SMIM14: variants seen among roughly 807,000 people sequenced by gnomAD.
SMIM14 encodes the protein small integral membrane protein 14.
SMIM14 carries 5 observed loss-of-function variants against 12.6 expected under a neutral mutation model. That is an observed-to-expected ratio of 0.40 (90% CI 0.21 to 0.83). The LOEUF is 0.83. Ranked by LOEUF, SMIM14 falls within the 40% of genes least tolerant of loss-of-function variation. The pLI is 0.37. For synonymous variants in SMIM14, 30 were observed against 40.1 expected, an observed-to-expected ratio of 0.75 and a Z score of 0.95; for missense variants, 86 against 119.1, an observed-to-expected ratio of 0.72 and a Z score of 1.29.
chr4:39,552,071 T>A lies in SMIM14; in HGVS notation c.*55A>T. 6.8e-7 allele frequency: 1 copy of A among 1,469,480 alleles called. No individual in the cohort carries two copies. The highest frequency in any genetic ancestry group is 9.3e-7 in the Non-Finnish European group (1 of 1,076,882). The allele number at this position is 1,469,480 out of a possible 1,614,324, so 91.0% of individuals were successfully genotyped here. On this transcript the variant is annotated 3_prime_UTR_variant, in exon 5 of 5. Coordinates refer to ENST00000295958, the MANE Select transcript of SMIM14 (RefSeq NM_174921.3). ...TGGGGTTAAGAGTACTCTGGTCATC[T>A]TCGTTCGTTTGGTCGTGCAAGGTGT...
At chr4:39,578,897 G>A (rs1242162438) in intron 2 of SMIM14, among the ~76,000 whole-genome samples, 5 of 151,436 alleles carry the variant, frequency 3.3e-5, no homozygotes, top group Non-Finnish European at 7.4e-5. Context: ...TCGGGAGGCT[G>A]AGGCAGCAGA....
intron 1 of SMIM14, chr4:39,638,357 A>T: frequency 1.7e-6 from 1 of 581,690 alleles, no homozygotes; most frequent in Non-Finnish European, 2.2e-6. Context: ...TAAACAAGAT[A>T]GTGTGGATTT....
At chr4:39,586,301 C>A (rs1451938576) in intron 2 of SMIM14, among the ~76,000 whole-genome samples, 1 of 151,970 alleles carries the variant, frequency 6.6e-6, no homozygotes, top group African/African-American at 2.4e-5. Context: ...AGGAACCAAG[C>A]CATTCCTTCA....
chr4:39,637,912 T>G (rs1224193215), intron 1 of SMIM14, among the ~76,000 whole-genome samples: 5 of 152,222 alleles, frequency 3.3e-5, no homozygotes, highest in Non-Finnish European at 7.3e-5. Flanking sequence ...ATTACGTGTG[T>G]GAAGCTCATC....
chr4:39,618,649 C>CA (rs34837742), intron 1 of SMIM14, among the ~76,000 whole-genome samples: 58,341 of 91,898 alleles, frequency 0.63, 16,754 homozygotes, highest in Admixed American at 0.7. Flanking sequence ...GACTCCATCT[C>CA]AAAAAAAAAA....
intron 3 of SMIM14, among the ~76,000 whole-genome samples, chr4:39,556,827 A>G (rs1712040740): frequency 6.6e-6 from 1 of 152,164 alleles, no homozygotes; most frequent in African/African-American, 2.4e-5. Flanking sequence ...TTGCTCTATC[A>G]AACAGGCTGG....
intron 3 of SMIM14, 45 bp from the exon 4 acceptor site, chr4:39,556,615 A>C: frequency 6.6e-7 from 1 of 1,507,466 alleles, no homozygotes; most frequent in Non-Finnish European, 8.9e-7. Flanking sequence ...TATTGTTAAA[A>C]GTAAAAACAA....
intron 3 of SMIM14, among the ~76,000 whole-genome samples, chr4:39,559,269 G>T (rs1712170603): frequency 6.6e-6 from 1 of 151,976 alleles, no homozygotes; most frequent in African/African-American, 2.4e-5. Context: ...TGAGCCTGTA[G>T]TCCCAGCTAC....
At chr4:39,567,253 A>C (rs1251839689) in intron 3 of SMIM14, among the ~76,000 whole-genome samples, 1 of 152,044 alleles carries the variant, frequency 6.6e-6, no homozygotes, top group African/African-American at 2.4e-5. Flanking sequence ...AAACTAGATA[A>C]TTTCTCAGAT....
chr4:39,622,136 T>A (rs1351827730), intron 1 of SMIM14, among the ~76,000 whole-genome samples: 1 of 152,122 alleles, frequency 6.6e-6, no homozygotes, highest in South Asian at 2.1e-4. Flanking sequence ...CAGGCTGGAG[T>A]GCAGTGGCAC....
chr4:39,633,935 G>C (rs1273593976), intron 1 of SMIM14, among the ~76,000 whole-genome samples: 1 of 152,132 alleles, frequency 6.6e-6, no homozygotes, highest in Non-Finnish European at 1.5e-5. Flanking sequence ...AATGTTTTTT[G>C]TTTGTTTATT....
intron 1 of SMIM14, among the ~76,000 whole-genome samples, chr4:39,630,138 C>T (rs144889007): frequency 4.3e-4 from 65 of 152,318 alleles, no homozygotes; most frequent in African/African-American, 1.4e-3. Flanking sequence ...CAGTGGCTCA[C>T]ACCTGTAAAA....
chr4:39,626,241 G>A (rs557372331), intron 1 of SMIM14, among the ~76,000 whole-genome samples: 48 of 152,168 alleles, frequency 3.2e-4, no homozygotes, highest in African/African-American at 1.1e-3. Context: ...TGAAAAAACT[G>A]TCTTCTATGA....
Position 39,605,166 on chromosome 4 carries a change from C to T in SMIM14, c.-21G>A. The T allele has an allele frequency of 1.3e-6, 2 of 1,593,616 alleles. No individual in the cohort carries two copies. The highest frequency in any genetic ancestry group is 1.7e-6 in the Non-Finnish European group (2 of 1,175,600). On this transcript the variant is annotated 5_prime_UTR_variant, in exon 2 of 5. Coordinates refer to ENST00000295958, the MANE Select transcript of SMIM14 (RefSeq NM_174921.3). ...GCCATGATTACCCAGCTTGATTTTACTTGACTGTTTAAATCTAGGAGGAAG... is the reference window on the plus strand; with the variant it reads ...GCCATGATTACCCAGCTTGATTTTATTTGACTGTTTAAATCTAGGAGGAAG...
At chr4:39,563,430 C>T (rs1261461883) in intron 3 of SMIM14, among the ~76,000 whole-genome samples, 2 of 152,208 alleles carry the variant, frequency 1.3e-5, no homozygotes, top group Non-Finnish European at 2.9e-5. Flanking sequence ...ACAGTATCAA[C>T]ACCACAGATT....
chr4:39,586,409 G>A (rs1198561963), intron 2 of SMIM14, among the ~76,000 whole-genome samples: 5 of 151,688 alleles, frequency 3.3e-5, no homozygotes, highest in Admixed American at 3.3e-4. Flanking sequence ...ACATAATTCA[G>A]CCAAGTTCTT....
chr4:39,634,624 G>C (rs1716025295), intron 1 of SMIM14, among the ~76,000 whole-genome samples: 1 of 152,126 alleles, frequency 6.6e-6, no homozygotes, highest in African/African-American at 2.4e-5. Context: ...ATCTTCCAAG[G>C]AAAAGCCACT....
intron 2 of SMIM14, among the ~76,000 whole-genome samples, chr4:39,574,177 T>C (rs1384441619): frequency 1.3e-5 from 2 of 151,784 alleles, no homozygotes; most frequent in African/African-American, 4.8e-5. Context: ...AGTGCTTAGA[T>C]GGTTCAGCAT....
intron 2 of SMIM14, among the ~76,000 whole-genome samples, chr4:39,573,600 A>C (rs1193357345): frequency 1.3e-5 from 2 of 152,216 alleles, no homozygotes; most frequent in African/African-American, 4.8e-5. Context: ...GCCAATATAT[A>C]ATTAGGCATC....
Sources: allele counts gnomAD v4.1 joint callset (sites outside exome capture counted in the v4.1 genomes callset), GRCh38; gene constraint gnomAD v4.1.1; transcripts MANE v1.5; gene names NCBI Gene and HGNC (gene_info 2026-07-23, HGNC 2026-07-21).